FRY: variants seen among roughly 807,000 people sequenced by gnomAD.
FRY encodes FRY microtubule binding protein, also known as protein furry homolog.
Under a neutral mutation model 348.4 loss-of-function variants are expected in FRY, and 128 were observed. The ratio of observed to expected loss-of-function variants is 0.37; its 90% CI spans 0.32 to 0.43. FRY has a LOEUF of 0.43. Ranked by LOEUF, FRY falls within the 20% of genes least tolerant of loss-of-function variation. FRY has a pLI of 1.00. For synonymous variants in FRY, 1,370 were observed against 1,374.7 expected, an observed-to-expected ratio of 1.00 and a Z score of 0.08; for missense variants, 2,736 against 3,695.2, an observed-to-expected ratio of 0.74 and a Z score of 6.73.
chr13:32,179,702 C>T lies in FRY; in HGVS notation c.2899C>T (p.Leu967=). The T allele has an allele frequency of 6.2e-7, 1 of 1,613,836 alleles. No homozygotes were observed. The highest frequency in any genetic ancestry group is 8.5e-7 in the Non-Finnish European group (1 of 1,179,738). Residue 967 remains leucine, a synonymous_variant, in exon 23 of 61, where the codon CTG becomes TTG. Coordinates refer to ENST00000542859, the MANE Select transcript of FRY (RefSeq NM_023037.3). Reference sequence around the variant, plus strand: ...CATAGGCACCCCATCGGTGGGAGTTCTGTTAAAGCAGTTGGTGCCTTTGAT... The same window carrying T: ...CATAGGCACCCCATCGGTGGGAGTTTTGTTAAAGCAGTTGGTGCCTTTGAT... ...KAIGTPSVGV[L]LKQLVPLMRL...
At chr13:32,257,923 AC>A (rs942173633) in intron 51 of FRY, 1 of 1,564,972 alleles carries the variant, frequency 6.4e-7, no homozygotes, top group African/African-American at 1.3e-5. Context: ...TTGTAAATAG[AC>A]CTTTTGTTTG....
chr13:32,032,286 G>A (rs1368804470), intron 1 of FRY, among the ~76,000 whole-genome samples: 1 of 152,150 alleles, frequency 6.6e-6, no homozygotes, highest in African/African-American at 2.4e-5. Context: ...TAATCAAAGG[G>A]GTGTGGCAGG....
intron 3 of FRY, among the ~76,000 whole-genome samples, chr13:32,116,928 G>A (rs558987984): frequency 9.7e-4 from 147 of 152,138 alleles, no homozygotes; most frequent in Non-Finnish European, 1.5e-3. Flanking sequence ...GGGCAGATTT[G>A]TTTATATCAT....
rs1243786842 is a variant in FRY, at chr13:32,298,703, T to C, written c.*3243T>C. On this transcript the variant is annotated 3_prime_UTR_variant, in exon 61 of 61. Coordinates refer to ENST00000542859, the MANE Select transcript of FRY (RefSeq NM_023037.3). Reference sequence around the variant, plus strand: ...AGGAGAGATCTGAATGAAGTGAGGATACAATGGATATCCAAGGAAAAGAGC... The same window carrying C: ...AGGAGAGATCTGAATGAAGTGAGGACACAATGGATATCCAAGGAAAAGAGC... 2 of 152,216 alleles carry C rather than the reference T, an allele frequency of 1.3e-5. No homozygotes were observed. The highest frequency in any genetic ancestry group is 4.8e-5 in the African/African-American group (2 of 41,426). The allele number at this position is 152,216 out of a possible 1,614,324, so 9.4% of individuals were successfully genotyped here. A position where few individuals can be genotyped will look rare whatever the true frequency, so the allele number is the denominator to read the frequency against.
At chr13:32,227,144 T>A (rs1283963455) in intron 39 of FRY, among the ~76,000 whole-genome samples, 2 of 152,180 alleles carry the variant, frequency 1.3e-5, no homozygotes, top group African/African-American at 4.8e-5. Context: ...CAAAAACGCA[T>A]ACAATATTCA....
chr13:32,226,592 G>T (rs34197581), intron 39 of FRY, among the ~76,000 whole-genome samples: 2 of 152,002 alleles, frequency 1.3e-5, no homozygotes, highest in South Asian at 2.1e-4. Flanking sequence ...GAACCAGAAC[G>T]TTTAAAATAT....
chr13:32,271,233 G>T (rs1888188602), intron 55 of FRY, among the ~76,000 whole-genome samples: 2 of 152,210 alleles, frequency 1.3e-5, no homozygotes, highest in Non-Finnish European at 2.9e-5. Context: ...ACCTACCTGT[G>T]TTCAAATCCC....
chr13:32,090,024 A>G (rs1566064734), intron 2 of FRY, among the ~76,000 whole-genome samples: 1 of 152,020 alleles, frequency 6.6e-6, no homozygotes, highest in Non-Finnish European at 1.5e-5. Flanking sequence ...TAGACCACCC[A>G]TTGGAGAACT....
chr13:32,165,453 G>T (rs537385656), intron 17 of FRY, among the ~76,000 whole-genome samples: 2 of 152,212 alleles, frequency 1.3e-5, no homozygotes, highest in East Asian at 3.9e-4. Context: ...GATAGATGGG[G>T]GTTCATTCTT....
Position 32,147,826 on chromosome 13 carries a change from C to A in FRY, c.1284-13C>A, listed in dbSNP as rs755921459. 6.7e-7 allele frequency: 1 copy of A among 1,491,436 alleles called. No individual in the cohort carries two copies. The highest frequency in any genetic ancestry group is 9.4e-7 in the Non-Finnish European group (1 of 1,067,804). The allele number at this position is 1,491,436 out of a possible 1,614,324, so 92.4% of individuals were successfully genotyped here. ...AATCTTGCTTGTTTTCTCTTTTCCC[C>A]CTTATCTTTCAGCCGACTTATAACC... On this transcript the variant is annotated splice_polypyrimidine_tract_variant and intron_variant, in intron 12 of 60. Coordinates refer to ENST00000542859, the MANE Select transcript of FRY (RefSeq NM_023037.3).
intron 1 of FRY, among the ~76,000 whole-genome samples, chr13:32,058,526 C>T (rs1041684653): frequency 6.6e-6 from 1 of 152,112 alleles, no homozygotes; most frequent in Non-Finnish European, 1.5e-5. Context: ...TGTTTTTGTT[C>T]TCTGATTTTT....
intron 15 of FRY, 74 bp from the exon 16 acceptor site, chr13:32,157,199 T>A: frequency 7.0e-7 from 1 of 1,419,554 alleles, no homozygotes; most frequent in Non-Finnish European, 9.9e-7. Context: ...TAAAAAATAT[T>A]ATAGAGGATG....
intron 17 of FRY, among the ~76,000 whole-genome samples, chr13:32,165,509 CTGG>C (rs34620983): frequency 0.26 from 39,012 of 151,978 alleles, 5,294 homozygotes; most frequent in Middle Eastern, 0.36. Flanking sequence ...GTGAACTACC[CTGG>C]TGGTGAACAG....
chr13:32,273,884 C>G (rs1393344331), intron 55 of FRY, among the ~76,000 whole-genome samples: 1 of 152,158 alleles, frequency 6.6e-6, no homozygotes, highest in Non-Finnish European at 1.5e-5. Context: ...AAAGATTATA[C>G]AGGCTGAGCA....
At chr13:32,253,810 A>G (rs774127060) in intron 50 of FRY, among the ~76,000 whole-genome samples, 1 of 152,174 alleles carries the variant, frequency 6.6e-6, no homozygotes, top group Non-Finnish European at 1.5e-5. Flanking sequence ...ACAATAATAT[A>G]TCTTGGTATC....
chr13:32,227,773 A>G (rs910232633), intron 39 of FRY, among the ~76,000 whole-genome samples: 2 of 140,652 alleles, frequency 1.4e-5, no homozygotes, highest in African/African-American at 5.4e-5. Context: ...TTTTTTTGAG[A>G]CAGAGTCTCA....
intron 58 of FRY, among the ~76,000 whole-genome samples, chr13:32,286,747 C>CAAAAAAAAAAAA (rs6144991): frequency 1.3e-5 from 1 of 77,492 alleles, no homozygotes; most frequent in Non-Finnish European, 2.3e-5. Context: ...GACTCTGTCT[C>CAAAAAAAAAAAA]AAAAAAAAAA....
At position 32,241,294 on chromosome 13, in the gene FRY, C is replaced by A. The variant is rs190142407; in HGVS notation, c.6687+1413C>A. Among the ~76,000 whole-genome samples, 2 of 152,268 alleles carry A rather than the reference C, an allele frequency of 1.3e-5. 1 individual carries two copies. The highest frequency in any genetic ancestry group is 1.3e-4 in the Admixed American group (2 of 15,292). On this transcript the variant is annotated intron_variant, in intron 46 of 60. Transcript: ENST00000542859. ...AGAAGTTTCAAAAATGCAAATTGTA[C>A]GTAGCATATATATACAAGGGAGTAT...
chr13:32,125,422 A>G (rs1268743216), intron 7 of FRY, among the ~76,000 whole-genome samples: 1 of 152,112 alleles, frequency 6.6e-6, no homozygotes, highest in Non-Finnish European at 1.5e-5. Context: ...GCAACAATAT[A>G]CCTCTTCCAA....
Sources: allele counts gnomAD v4.1 joint callset (sites outside exome capture counted in the v4.1 genomes callset), GRCh38; gene constraint gnomAD v4.1.1; transcripts MANE v1.5; gene names NCBI Gene and HGNC (gene_info 2026-07-23, HGNC 2026-07-21).